The following GALNT16 variants were observed in gnomAD, a reference collection of about 807,000 sequenced individuals.
GALNT16 encodes UDP-GalNAc:polypeptide N-acetylgalactosaminyltransferase-like protein 1.
GALNT16 carries 40 observed loss-of-function variants against 76.1 expected under a neutral mutation model. That is an observed-to-expected ratio of 0.53 (90% confidence interval 0.41 to 0.68). The LOEUF (loss-of-function observed/expected upper bound fraction) is 0.68, where lower values mean the gene tolerates loss of function less well. Among genes scored for constraint, GALNT16 ranks in the 30% least tolerant of loss-of-function variants. GALNT16 has a pLI of 0.00. For missense variants in GALNT16, 621 were observed against 731.9 expected, an observed-to-expected ratio of 0.85 and a Z score of 1.75; for synonymous variants, 276 against 285.2, an observed-to-expected ratio of 0.97 and a Z score of 0.32.
chr14:69,316,779 G>GT (rs1555399677), intron 1 of GALNT16, among the ~76,000 whole-genome samples: 2 of 133,972 alleles, frequency 1.5e-5, no homozygotes, highest in Admixed American at 7.9e-5. Context: ...GTCTGTGAGG[G>GT]GGGGGGGCAC....
intron 1 of GALNT16, among the ~76,000 whole-genome samples, chr14:69,281,611 TG>T (rs148715419): frequency 0.024 from 3,678 of 152,260 alleles, 138 homozygotes; most frequent in African/African-American, 0.084. Flanking sequence ...CCAGCAGGGC[TG>T]GAGGCTGCAT....
At chr14:69,323,023 A>G (rs2045226060) in intron 2 of GALNT16, among the ~76,000 whole-genome samples, 3 of 136,298 alleles carry the variant, frequency 2.2e-5, no homozygotes, top group Middle Eastern at 4.7e-3. Flanking sequence ...TAGGGAAGCA[A>G]AGGACGTGCT....
intron 1 of GALNT16, among the ~76,000 whole-genome samples, chr14:69,281,823 A>G (rs1377537586): frequency 1.3e-5 from 2 of 152,122 alleles, no homozygotes; most frequent in African/African-American, 4.8e-5. Context: ...TACTCCAGAC[A>G]CAGTCCTCTG....
chr14:69,287,005 G>C (rs532516853), intron 1 of GALNT16, among the ~76,000 whole-genome samples: 1 of 152,126 alleles, frequency 6.6e-6, no homozygotes, highest in Non-Finnish European at 1.5e-5. Flanking sequence ...CAGAACACAC[G>C]GCATCTTCTT....
chr14:69,278,994 C>T (rs1045242134), intron 1 of GALNT16, among the ~76,000 whole-genome samples: 2 of 151,370 alleles, frequency 1.3e-5, no homozygotes, highest in Non-Finnish European at 2.9e-5. Flanking sequence ...TGCAGTGGCA[C>T]AGTATCAGCT....
intron 1 of GALNT16, among the ~76,000 whole-genome samples, chr14:69,301,404 A>T (rs930423859): frequency 2.0e-5 from 3 of 152,086 alleles, no homozygotes; most frequent in Non-Finnish European, 2.9e-5. Context: ...CCCAGGCTGG[A>T]CTGCAGTGGT....
intron 12 of GALNT16, among the ~76,000 whole-genome samples, chr14:69,344,705 C>T (rs1354340514): frequency 6.6e-6 from 1 of 152,310 alleles, no homozygotes; most frequent in East Asian, 1.9e-4. Context: ...TCAGTATCCA[C>T]CTCACCTCTG....
intron 1 of GALNT16, among the ~76,000 whole-genome samples, chr14:69,307,247 C>T (rs188140553): frequency 1.3e-5 from 2 of 152,108 alleles, no homozygotes; most frequent in South Asian, 2.1e-4. Flanking sequence ...GTCTCTGGGG[C>T]GCAATGAACA....
Position 69,335,414 on chromosome 14 carries a change from G to A in GALNT16, c.967+1814G>A, listed in dbSNP as rs543635989. Among the ~76,000 whole-genome samples, 16 of 152,328 alleles carry A rather than the reference G, an allele frequency of 1.1e-4. No homozygotes were observed. In the South Asian group the frequency reaches 1.9e-3, roughly 18 times the overall value. On this transcript the variant is annotated intron_variant, in intron 9 of 14. Transcript: ENST00000448469. The stretch of plus-strand genomic sequence containing the variant: ...TTTGGGTCCAAGTGACCCGCTTTGT[G>A]TCTTCAATCTCGGCCTGAAGGGCTT...
At chr14:69,265,614 G>C (rs1440057839) in intron 1 of GALNT16, among the ~76,000 whole-genome samples, 1 of 152,204 alleles carries the variant, frequency 6.6e-6, no homozygotes, top group Non-Finnish European at 1.5e-5. Flanking sequence ...TTTATACCCT[G>C]TCTGCTTCTT....
At chr14:69,332,659 C>A (rs1205881819) in intron 7 of GALNT16, 1 of 168,818 alleles carries the variant, frequency 5.9e-6, no homozygotes, top group African/African-American at 2.4e-5. Context: ...GGGAAATCAC[C>A]TCAGGGCTTT....
chr14:69,294,946 G>C (rs1295017827), intron 1 of GALNT16, among the ~76,000 whole-genome samples: 3 of 152,054 alleles, frequency 2.0e-5, no homozygotes, highest in African/African-American at 7.2e-5. Context: ...CATTTTTATT[G>C]ATGAATAATA....
chr14:69,339,106 C>A (rs1267507214), intron 10 of GALNT16, among the ~76,000 whole-genome samples: 3 of 152,206 alleles, frequency 2.0e-5, no homozygotes, highest in Non-Finnish European at 4.4e-5. Flanking sequence ...CCAACCCTGA[C>A]TTGATCAACC....
At chr14:69,341,913 G>A (rs1044915688) in intron 12 of GALNT16, 149 bp downstream of exon 12, 6 of 634,332 alleles carry the variant, frequency 9.5e-6, no homozygotes, top group African/African-American at 9.1e-5. Flanking sequence ...GACGGCTGTG[G>A]GGGAACTGAG....
Position 69,352,230 on chromosome 14 carries a change from GT to G in GALNT16, c.*63del. The G allele has an allele frequency of 2.1e-6, 3 of 1,443,568 alleles. No homozygotes were observed. Among genetic ancestry groups the G allele is most frequent in the Non-Finnish European group, 2.8e-6 (3 of 1,068,662 alleles). The allele number at this position is 1,443,568 out of a possible 1,614,324, so 89.4% of individuals were successfully genotyped here. A position where few individuals can be genotyped will look rare whatever the true frequency, so the allele number is the denominator to read the frequency against. On this transcript the variant is annotated 3_prime_UTR_variant, in exon 15 of 15. Transcript: ENST00000448469. ...ACTTCGGGACCGGAAGGGGGTTAGG[GT>G]GGGGGAGTGCAAAGTGGGCTGTTCC...
chr14:69,359,740 A>G (rs550271242), downstream of GALNT16, among the ~76,000 whole-genome samples: 8 of 152,144 alleles, frequency 5.3e-5, no homozygotes, highest in African/African-American at 1.9e-4. Context: ...AGAAATGTAA[A>G]CTCTGGGCCA....
At chr14:69,361,280 A>C (rs1026891837), downstream of GALNT16, among the ~76,000 whole-genome samples, 4 of 152,202 alleles carry the variant, frequency 2.6e-5, no homozygotes, top group Non-Finnish European at 4.4e-5. Flanking sequence ...AAACACTGAG[A>C]CACACATTTT....
chr14:69,325,045 G>A (rs972376806), intron 3 of GALNT16, among the ~76,000 whole-genome samples: 7 of 152,188 alleles, frequency 4.6e-5, no homozygotes, highest in East Asian at 1.9e-4. Context: ...GAGGGAGGCC[G>A]GGCTAGACAG....
chr14:69,340,913 T>A (rs1210851254), intron 11 of GALNT16, among the ~76,000 whole-genome samples: 12 of 152,228 alleles, frequency 7.9e-5, no homozygotes, highest in Admixed American at 7.9e-4. Flanking sequence ...TATCTCCTAC[T>A]TAAGCTTGTG....
Sources: gnomAD v4.1 joint callset for allele counts (sites outside exome capture counted in the v4.1 genomes callset) on GRCh38, gnomAD v4.1.1 for gene constraint, MANE v1.5 for transcripts, NCBI Gene and HGNC (gene_info 2026-07-23, HGNC 2026-07-21) for gene names.